The following ADAM12 variants were observed in gnomAD, a reference collection of about 807,000 sequenced individuals.
ADAM12 encodes disintegrin and metalloproteinase domain-containing protein 12.
In ADAM12, 70 loss-of-function variants were observed where a neutral mutation model predicts 106.4. The observed-to-expected ratio is 0.66, with a 90% CI of 0.54 to 0.80. The LOEUF is 0.80. ADAM12 is among the 30% of genes least tolerant of loss of function. ADAM12 has a pLI of 0.00. For missense variants in ADAM12, 1,010 were observed against 1,171.9 expected, an observed-to-expected ratio of 0.86 and a Z score of 2.02; for synonymous variants, 420 against 433.5, an observed-to-expected ratio of 0.97 and a Z score of 0.39.
intron 14 of ADAM12, among the ~76,000 whole-genome samples, chr10:126,058,989 A>G (rs563659653): frequency 6.6e-6 from 1 of 152,332 alleles, no homozygotes; most frequent in South Asian, 2.1e-4. Context: ...GTCCTTAATA[A>G]TGGAACACTT....
At chr10:126,313,517 C>T (rs1961208291) in intron 2 of ADAM12, among the ~76,000 whole-genome samples, 1 of 152,134 alleles carries the variant, frequency 6.6e-6, no homozygotes, top group Non-Finnish European at 1.5e-5. Flanking sequence ...TATGGAATAG[C>T]CAGACATATA....
chr10:126,185,099 C>A (rs1368974830), intron 3 of ADAM12, among the ~76,000 whole-genome samples: 1 of 152,220 alleles, frequency 6.6e-6, no homozygotes, highest in Non-Finnish European at 1.5e-5. Flanking sequence ...GACCGTCTTG[C>A]ACATGGTCTG....
intron 1 of ADAM12, among the ~76,000 whole-genome samples, chr10:126,365,334 T>A (rs111375624): frequency 3.3e-5 from 5 of 152,280 alleles, no homozygotes; most frequent in African/African-American, 9.6e-5. Flanking sequence ...AATTAGAATA[T>A]TTTAACCTAG....
intron 1 of ADAM12, among the ~76,000 whole-genome samples, chr10:126,367,043 T>C (rs1326576435): frequency 6.6e-6 from 1 of 151,810 alleles, no homozygotes; most frequent in East Asian, 1.9e-4. Context: ...GTAAGCTTAA[T>C]ATGAGATTTG....
intron 3 of ADAM12, among the ~76,000 whole-genome samples, chr10:126,174,878 G>A (rs915521302): frequency 1.3e-5 from 2 of 150,912 alleles, no homozygotes; most frequent in African/African-American, 2.4e-5. Flanking sequence ...TCAGCCTCCC[G>A]AGTAGCTGGG....
intron 4 of ADAM12, among the ~76,000 whole-genome samples, chr10:126,141,461 TC>T (rs1956510480): frequency 6.9e-6 from 1 of 145,756 alleles, no homozygotes; most frequent in Admixed American, 7.0e-5. Context: ...GAAAATTACA[TC>T]TTTTCCTTTT....
chr10:126,299,892 T>C (rs1960545505), intron 2 of ADAM12, among the ~76,000 whole-genome samples: 1 of 152,128 alleles, frequency 6.6e-6, no homozygotes, highest in Non-Finnish European at 1.5e-5. Context: ...GATCTGCCTG[T>C]CTCAGCCTCC....
intron 3 of ADAM12, among the ~76,000 whole-genome samples, chr10:126,234,895 G>T (rs113674625): frequency 0.011 from 1,627 of 152,332 alleles, 15 homozygotes; most frequent in African/African-American, 0.027. Context: ...AAAGGGGCAC[G>T]TGGAGAGACC....
Position 126,036,314 on chromosome 10 carries a change from C to T in ADAM12, c.2361G>A (p.Arg787=). The change falls in exon 21 of 23, where the codon AGG becomes AGA. Residue 787 remains arginine, a synonymous_variant. Transcript: ENST00000448723. ...PDSYPPKDNP[R]RLLQCQNVDI... is the part of the protein sequence containing the mutation. ...CAACATTCTGACACTGCAGCAATCT[C>T]CTGGGATTGTCCTGTACAGTCAAAG... is the stretch of plus-strand genomic sequence containing the variant. 2 of 1,568,178 alleles carry T rather than the reference C, an allele frequency of 1.3e-6. No homozygotes were observed.
chr10:126,243,693 A>T (rs1419016337), intron 3 of ADAM12, among the ~76,000 whole-genome samples: 2 of 152,214 alleles, frequency 1.3e-5, no homozygotes, highest in Non-Finnish European at 2.9e-5. Context: ...GTAGAATACT[A>T]ATGAGACAGC....
intron 3 of ADAM12, among the ~76,000 whole-genome samples, chr10:126,236,618 CCACAGGAAGGAGCACT>C (rs1245285874): frequency 6.6e-6 from 1 of 151,134 alleles, no homozygotes; most frequent in African/African-American, 2.4e-5. Flanking sequence ...GAAGGAGCAC[CCACAGGAAGGAGCACT>C]CACAGGAAGG....
chr10:126,077,135 A>T (rs561489327), intron 11 of ADAM12, among the ~76,000 whole-genome samples: 80 of 152,274 alleles, frequency 5.3e-4, no homozygotes, highest in African/African-American at 1.8e-3. Context: ...CAAAATCAAG[A>T]ACACAATCCC....
At chr10:126,098,974 A>G (rs1590406406) in intron 9 of ADAM12, among the ~76,000 whole-genome samples, 1 of 152,242 alleles carries the variant, frequency 6.6e-6, no homozygotes, top group African/African-American at 2.4e-5. Context: ...CCGCTAAGAT[A>G]GCTTGCAAAA....
At chr10:126,275,517 G>A (rs1169791508) in intron 3 of ADAM12, among the ~76,000 whole-genome samples, 1 of 152,168 alleles carries the variant, frequency 6.6e-6, no homozygotes, top group African/African-American at 2.4e-5. Context: ...CACCACAGAA[G>A]CATTTTGAGT....
At chr10:126,212,579 A>G (rs1163688301) in intron 3 of ADAM12, among the ~76,000 whole-genome samples, 1 of 149,842 alleles carries the variant, frequency 6.7e-6, no homozygotes, top group African/African-American at 2.5e-5. Context: ...TATTTGGGTC[A>G]ATCCCTTCTA....
At chr10:126,296,572 G>C (rs1960390076) in intron 2 of ADAM12, among the ~76,000 whole-genome samples, 1 of 152,194 alleles carries the variant, frequency 6.6e-6, no homozygotes, top group Non-Finnish European at 1.5e-5. Flanking sequence ...CGTGGTTACA[G>C]ACCAGCCTCT....
At chr10:126,326,115 C>T (rs1452666163) in intron 2 of ADAM12, among the ~76,000 whole-genome samples, 2 of 152,108 alleles carry the variant, frequency 1.3e-5, no homozygotes, top group Non-Finnish European at 2.9e-5. Flanking sequence ...TCAGCCGAAT[C>T]GACTTGACCA....
intron 2 of ADAM12, among the ~76,000 whole-genome samples, chr10:126,326,607 C>T (rs1414050707): frequency 6.6e-6 from 1 of 152,128 alleles, no homozygotes; most frequent in African/African-American, 2.4e-5. Flanking sequence ...CCCCATGGCT[C>T]TCCTCATTTC....
intron 18 of ADAM12, among the ~76,000 whole-genome samples, chr10:126,040,576 G>GACTT (rs1237254561): frequency 6.6e-6 from 1 of 152,198 alleles, no homozygotes; most frequent in African/African-American, 2.4e-5. Context: ...TGACAGTCTT[G>GACTT]ACTTACTTGT....
Sources: gnomAD v4.1 joint callset for allele counts (sites outside exome capture counted in the v4.1 genomes callset) on GRCh38, gnomAD v4.1.1 for gene constraint, MANE v1.5 for transcripts, NCBI Gene and HGNC (gene_info 2026-07-23, HGNC 2026-07-21) for gene names.